Variants in GPR45 observed in about 807,000 individuals in gnomAD.
The protein encoded by GPR45 is probable G protein-coupled receptor 45.
In GPR45, 7 loss-of-function variants were observed where a neutral mutation model predicts 5.9. The observed-to-expected ratio is 1.19, with a 90% CI of 0.68 to 2.23. The LOEUF (loss-of-function observed/expected upper bound fraction) is 2.23. Among genes scored for constraint, GPR45 ranks in the 30% most tolerant of loss-of-function variants. GPR45 has a pLI of 0.00. For synonymous variants in GPR45, 220 were observed against 226.3 expected (o/e 0.97, Z 0.25); for missense variants, 440 against 496.9 (o/e 0.89, Z 1.09).
Position 105,242,714 on chromosome 2 carries a change from T to C in GPR45, c.856T>C (p.Tyr286His), listed in dbSNP as rs1573513878. Reference sequence around the variant, plus strand: ...CCTCTGCTGGCTGCCCCACTCCGTCTACAGCCTCCTGTCTGTGTTTAGCCA... The same window carrying C: ...CCTCTGCTGGCTGCCCCACTCCGTCCACAGCCTCCTGTCTGTGTTTAGCCA... ...FSLCWLPHSVYSLLSVFSQRF... is the reference protein window; with the variant it reads ...FSLCWLPHSVHSLLSVFSQRF... The change falls in exon 1 of 1, where the codon TAC (tyrosine) becomes CAC (histidine). Residue 286 changes from tyrosine (Y) to histidine (H), a missense_variant. By Grantham distance (83) the Tyr-to-His change is moderately conservative (BLOSUM62 2). Coordinates refer to ENST00000258456, the MANE Select transcript of GPR45 (RefSeq NM_007227.3). The surrounding 1 kb of genome is among the most constrained non-coding windows in gnomAD (Gnocchi z 4.8). The C allele has an allele frequency of 9.3e-6, 15 of 1,611,346 alleles. No homozygotes were observed. In the East Asian group the frequency reaches 3.3e-4, roughly 36 times the overall value.
chr2:105,242,087 G>A lies in GPR45; in HGVS notation c.229G>A (p.Ala77Thr). 6.2e-7 allele frequency: 1 copy of A among 1,614,154 alleles called. No individual in the cohort carries two copies. ...CATCAACCTGCTGCTGGCCACCCTG[G>A]CCTTCTCCGACATCATGCTGTCCCT... ...SAINLLLATLAFSDIMLSLCC... is the reference protein window; with the variant it reads ...SAINLLLATLTFSDIMLSLCC... The change falls in exon 1 of 1, where the codon GCC (alanine) becomes ACC (threonine). Residue 77 changes from alanine to threonine, a missense_variant. Ala to Thr is a moderately conservative substitution (Grantham distance 58). Coordinates refer to ENST00000258456, the MANE Select transcript of GPR45 (RefSeq NM_007227.3). This position sits in a 1 kb window ranked among gnomAD's most constrained non-coding sequence, Gnocchi z 4.8.
chr2:105,242,372 C>G lies in GPR45; in HGVS notation c.514C>G (p.Leu172Val). ...IAGPSLTGWT[L>V]VEVPARAPQC... Reference sequence around the variant, plus strand: ...GGGGCCCTCGCTCACGGGCTGGACGCTGGTGGAGGTGCCGGCGCGGGCCCC... The same window carrying G: ...GGGGCCCTCGCTCACGGGCTGGACGGTGGTGGAGGTGCCGGCGCGGGCCCC... The change falls in exon 1 of 1, where the codon CTG becomes GTG. Residue 172 changes from leucine to valine, a missense_variant. Leu to Val is a conservative substitution (Grantham distance 32, BLOSUM62 1). Coordinates refer to ENST00000258456, the MANE Select transcript of GPR45 (RefSeq NM_007227.3). The surrounding 1 kb of genome is among the most constrained non-coding windows in gnomAD (Gnocchi z 4.8). 6.2e-7 allele frequency: 1 copy of G among 1,613,042 alleles called. No homozygotes were observed. Among genetic ancestry groups the G allele is most frequent in the South Asian group, 1.1e-5 (1 of 91,050 alleles).
In GPR45 at chr2:105,243,059, G is replaced by A; in HGVS notation, c.*82G>A. ...TCCTGCTCTGTTCCCTGGCATGTTG[G>A]TCATAGTCTGCACTTTGTGGTGGCA... is the stretch of plus-strand genomic sequence containing the variant. On this transcript the variant is annotated 3_prime_UTR_variant, in exon 1 of 1. Coordinates refer to ENST00000258456, the MANE Select transcript of GPR45 (RefSeq NM_007227.3). 6.7e-7 allele frequency: 1 copy of A among 1,500,870 alleles called. No individual in the cohort carries two copies. The highest frequency in any genetic ancestry group is 9.0e-7 in the Non-Finnish European group (1 of 1,114,830). 93.0% of individuals were successfully genotyped at this position (1,500,870 alleles called of 1,614,324 possible).
Position 105,242,891 on chromosome 2 carries a change from A to G in GPR45, c.1033A>G (p.Ile345Val). 1 of 1,614,070 alleles carries G rather than the reference A, an allele frequency of 6.2e-7. No homozygotes were observed. The highest frequency in any genetic ancestry group is 1.1e-5 in the South Asian group (1 of 91,070). Reference protein sequence around the residue: ...CIELLPQTFQILPKVPERIRR... With the variant: ...CIELLPQTFQVLPKVPERIRR... ...AGAGTTGCTGCCCCAGACCTTCCAA[A>G]TCCTCCCCAAAGTGCCTGAGCGGAT... Residue 345 changes from isoleucine (I) to valine (V), a missense_variant, in exon 1 of 1, where the codon ATC becomes GTC. By Grantham distance (29) the Ile-to-Val change is conservative (BLOSUM62 3). Coordinates refer to ENST00000258456, the MANE Select transcript of GPR45 (RefSeq NM_007227.3). This position sits in a 1 kb window ranked among gnomAD's most constrained non-coding sequence, Gnocchi z 4.8.
Position 105,242,109 on chromosome 2 carries a change from C to G in GPR45, c.251C>G (p.Ser84Cys), listed in dbSNP as rs747620860. 6.2e-7 allele frequency: 1 copy of G among 1,614,202 alleles called. No homozygotes were observed. The highest frequency in any genetic ancestry group is 1.1e-5 in the South Asian group (1 of 91,090). ...CTGGCCTTCTCCGACATCATGCTGT[C>G]CCTCTGCTGCATGCCCTTCACCGCC... ...ATLAFSDIML[S>C]LCCMPFTAVT... is the part of the protein sequence containing the mutation. The change falls in exon 1 of 1, where the codon TCC (serine) becomes TGC (cysteine). Residue 84 changes from serine to cysteine, a missense_variant. By Grantham distance (112) the Ser-to-Cys change is moderately radical. Transcript: ENST00000258456. The surrounding 1 kb of genome is among the most constrained non-coding windows in gnomAD (Gnocchi z 4.8).
Position 105,242,753 on chromosome 2 carries a change from G to T in GPR45, c.895G>T (p.Gly299Cys), listed in dbSNP as rs780333283. The T allele has an allele frequency of 1.2e-6, 2 of 1,613,992 alleles. No individual in the cohort carries two copies. Among genetic ancestry groups the T allele is most frequent in the Non-Finnish European group, 1.7e-6 (2 of 1,179,978 alleles). ...TGTGTTTAGCCAGCGCTTTTACTGC[G>T]GTTCCTCCTTCTACGCCACCAGCAC... ...LSVFSQRFYC[G>C]SSFYATSTCV... Residue 299 changes from glycine (G) to cysteine (C), a missense_variant, in exon 1 of 1, where the codon GGT (glycine) becomes TGT (cysteine). By Grantham distance (159) the Gly-to-Cys change is radical. Transcript: ENST00000258456. This position sits in a 1 kb window ranked among gnomAD's most constrained non-coding sequence, Gnocchi z 4.8.
rs745590402 is a variant in GPR45, at chr2:105,242,944, C to G, written c.1086C>G (p.Val362=). 2 of 1,614,158 alleles carry G rather than the reference C, an allele frequency of 1.2e-6. No individual in the cohort carries two copies. The highest frequency in any genetic ancestry group is 2.2e-5 in the South Asian group (2 of 91,064). The part of the protein sequence containing the change: ...RIRRRIQPST[V]YVCNENQSAV Reference sequence around the variant, plus strand: ...GAAGGAGAATCCAGCCAAGCACAGTCTACGTGTGCAATGAAAACCAGTCTG... The same window carrying G: ...GAAGGAGAATCCAGCCAAGCACAGTGTACGTGTGCAATGAAAACCAGTCTG... The change falls in exon 1 of 1, where the codon GTC becomes GTG. Residue 362 remains valine (V), a synonymous_variant. Transcript: ENST00000258456. The surrounding 1 kb of genome is among the most constrained non-coding windows in gnomAD (Gnocchi z 4.8).
rs578117337 is a variant in GPR45 at position 105,241,758 on chromosome 2, A to G, written c.-101A>G. ...TCCAGTGCCCCAGAGGTCCACAGAC[A>G]TCCAGGAAGATGCAGCCAGCAGACA... On this transcript the variant is annotated 5_prime_UTR_variant, in exon 1 of 1. Transcript: ENST00000258456. 3 of 1,334,572 alleles carry G rather than the reference A, an allele frequency of 2.2e-6. No individual in the cohort carries two copies. In the East Asian group the frequency reaches 7.0e-5, roughly 31 times the overall value. 82.7% of individuals were successfully genotyped at this position (1,334,572 alleles called of 1,614,324 possible).
In GPR45 at chr2:105,242,391, G is replaced by A; in HGVS notation, c.533G>A (p.Arg178Gln). Residue 178 changes from arginine to glutamine, a missense_variant, in exon 1 of 1, where the codon CGG becomes CAG. Arg to Gln is a conservative substitution (Grantham distance 43). Transcript: ENST00000258456. The surrounding 1 kb of genome is among the most constrained non-coding windows in gnomAD (Gnocchi z 4.8). ...TGGACGCTGGTGGAGGTGCCGGCGC[G>A]GGCCCCACAGTGCGTGCTGGGCTAC... ...TGWTLVEVPA[R>Q]APQCVLGYTE... is the part of the protein sequence containing the mutation. 1.9e-6 allele frequency: 3 copies of A among 1,612,152 alleles called. No homozygotes were observed. Among genetic ancestry groups the A allele is most frequent in the Non-Finnish European group, 2.5e-6 (3 of 1,179,536 alleles).
chr2:105,243,330 A>G lies in GPR45; in HGVS notation c.*353A>G, dbSNP rs1676387100. ...GGGGCAGGAGGACTGGTCAGTCACA[A>G]GAGCTTCAACCTGCCCTGCGAGCCC... is the stretch of plus-strand genomic sequence containing the variant. On this transcript the variant is annotated 3_prime_UTR_variant, in exon 1 of 1. Coordinates refer to ENST00000258456, the MANE Select transcript of GPR45 (RefSeq NM_007227.3). Among the ~76,000 whole-genome samples the G allele has an allele frequency of 6.6e-6, 1 of 152,054 alleles. No homozygotes were observed. The highest frequency in any genetic ancestry group is 1.5e-5 in the Non-Finnish European group (1 of 68,016).
chr2:105,243,160 A>C lies in GPR45; in HGVS notation c.*183A>C. 2.5e-6 allele frequency: 2 copies of C among 790,190 alleles called. No individual in the cohort carries two copies. Among genetic ancestry groups the C allele is most frequent in the Non-Finnish European group, 3.9e-6 (2 of 509,534 alleles). The allele number at this position is 790,190 out of a possible 1,614,324, so 48.9% of individuals were successfully genotyped here. A position where few individuals can be genotyped will look rare whatever the true frequency, so the allele number is the denominator to read the frequency against. ...ATTTCAAATTTTGGCACGATGAATTATTTTTGTTTCTCTTTGCAGAGAGCC... is the reference window on the plus strand; with the variant it reads ...ATTTCAAATTTTGGCACGATGAATTCTTTTTGTTTCTCTTTGCAGAGAGCC... On this transcript the variant is annotated 3_prime_UTR_variant, in exon 1 of 1. Coordinates refer to ENST00000258456, the MANE Select transcript of GPR45 (RefSeq NM_007227.3).
chr2:105,242,736 G>C lies in GPR45; in HGVS notation c.878G>C (p.Ser293Thr). 1.2e-6 allele frequency: 2 copies of C among 1,613,720 alleles called. 1 individual carries two copies. Among genetic ancestry groups the C allele is most frequent in the South Asian group, 2.2e-5 (2 of 91,046 alleles). Residue 293 changes from serine to threonine, a missense_variant, in exon 1 of 1, where the codon AGC becomes ACC. Physicochemically the swap from Ser to Thr is moderately conservative, Grantham distance 58. Coordinates refer to ENST00000258456, the MANE Select transcript of GPR45 (RefSeq NM_007227.3). The surrounding 1 kb of genome is among the most constrained non-coding windows in gnomAD (Gnocchi z 4.8). ...HSVYSLLSVF[S>T]QRFYCGSSFY... The stretch of plus-strand genomic sequence containing the variant: ...GTCTACAGCCTCCTGTCTGTGTTTA[G>C]CCAGCGCTTTTACTGCGGTTCCTCC...
Position 105,242,203 on chromosome 2 carries a change from G to T in GPR45, c.345G>T (p.Trp115Cys). Residue 115 changes from tryptophan to cysteine, a missense_variant, in exon 1 of 1, where the codon TGG becomes TGT. Coordinates refer to ENST00000258456, the MANE Select transcript of GPR45 (RefSeq NM_007227.3). The surrounding 1 kb of genome is among the most constrained non-coding windows in gnomAD (Gnocchi z 4.8). ...GCCGCCTCTCAGCCACGCTCTACTG[G>T]TTTTTTGTCCTGGAGGGCGTGGCCA... is the stretch of plus-strand genomic sequence containing the variant. ...HFCRLSATLY[W>C]FFVLEGVAIL... 6.2e-7 allele frequency: 1 copy of T among 1,614,134 alleles called. No individual in the cohort carries two copies. The highest frequency in any genetic ancestry group is 8.5e-7 in the Non-Finnish European group (1 of 1,180,042).
chr2:105,243,166 G>A lies in GPR45; in HGVS notation c.*189G>A, dbSNP rs1676383468. The A allele has an allele frequency of 1.3e-6, 1 of 756,958 alleles. No individual in the cohort carries two copies. Among genetic ancestry groups the A allele is most frequent in the South Asian group, 2.3e-5 (1 of 43,770 alleles). 46.9% of individuals were successfully genotyped at this position (756,958 alleles called of 1,614,324 possible). ...AATTTTGGCACGATGAATTATTTTT[G>A]TTTCTCTTTGCAGAGAGCCAAATAT... is the stretch of plus-strand genomic sequence containing the variant. On this transcript the variant is annotated 3_prime_UTR_variant, in exon 1 of 1. Transcript: ENST00000258456.
At position 105,242,372 on chromosome 2, in the gene GPR45, C is replaced by A; in HGVS notation, c.514C>A (p.Leu172Met). ...IAGPSLTGWTLVEVPARAPQC... is the reference protein window; with the variant it reads ...IAGPSLTGWTMVEVPARAPQC... ...GGGGCCCTCGCTCACGGGCTGGACG[C>A]TGGTGGAGGTGCCGGCGCGGGCCCC... The change falls in exon 1 of 1, where the codon CTG becomes ATG. Residue 172 changes from leucine to methionine, a missense_variant. By Grantham distance (15) the Leu-to-Met change is conservative (BLOSUM62 2). Coordinates refer to ENST00000258456, the MANE Select transcript of GPR45 (RefSeq NM_007227.3). This position sits in a 1 kb window ranked among gnomAD's most constrained non-coding sequence, Gnocchi z 4.8. 1 of 1,613,042 alleles carries A rather than the reference C, an allele frequency of 6.2e-7. No individual in the cohort carries two copies. Among genetic ancestry groups the A allele is most frequent in the Non-Finnish European group, 8.5e-7 (1 of 1,179,734 alleles).
chr2:105,242,353 C>T lies in GPR45; in HGVS notation c.495C>T (p.Pro165=). 6.2e-7 allele frequency: 1 copy of T among 1,613,514 alleles called. No homozygotes were observed. The highest frequency in any genetic ancestry group is 1.1e-5 in the South Asian group (1 of 91,064). The part of the protein sequence containing the change: ...SWVLSFCIAG[P]SLTGWTLVEV... Reference sequence around the variant, plus strand: ...TGCTGTCCTTCTGCATCGCGGGGCCCTCGCTCACGGGCTGGACGCTGGTGG... The same window carrying T: ...TGCTGTCCTTCTGCATCGCGGGGCCTTCGCTCACGGGCTGGACGCTGGTGG... The change falls in exon 1 of 1, where the codon CCC becomes CCT. Residue 165 remains proline, a synonymous_variant. Coordinates refer to ENST00000258456, the MANE Select transcript of GPR45 (RefSeq NM_007227.3). The surrounding 1 kb of genome is among the most constrained non-coding windows in gnomAD (Gnocchi z 4.8).
Position 105,242,309 on chromosome 2 carries a change from A to G in GPR45, c.451A>G (p.Ile151Val), listed in dbSNP as rs2104541461. ...DKLNPRRAKV[I>V]IAVSWVLSFC... ...GCTGAACCCGCGCAGGGCCAAGGTG[A>G]TCATCGCGGTCTCCTGGGTGCTGTC... The change falls in exon 1 of 1, where the codon ATC (isoleucine) becomes GTC (valine). Residue 151 changes from isoleucine (I) to valine (V), a missense_variant. Ile to Val is a conservative substitution (Grantham distance 29). Coordinates refer to ENST00000258456, the MANE Select transcript of GPR45 (RefSeq NM_007227.3). The surrounding 1 kb of genome is among the most constrained non-coding windows in gnomAD (Gnocchi z 4.8). 1 of 1,613,990 alleles carries G rather than the reference A, an allele frequency of 6.2e-7. No homozygotes were observed. The highest frequency in any genetic ancestry group is 8.5e-7 in the Non-Finnish European group (1 of 1,180,006).
Position 105,243,100 on chromosome 2 carries a change from T to A in GPR45, c.*123T>A. 1 of 1,254,792 alleles carries A rather than the reference T, an allele frequency of 8.0e-7. No homozygotes were observed. The highest frequency in any genetic ancestry group is 1.1e-6 in the Non-Finnish European group (1 of 908,818). 77.7% of individuals were successfully genotyped at this position (1,254,792 alleles called of 1,614,324 possible). On this transcript the variant is annotated 3_prime_UTR_variant, in exon 1 of 1. Transcript: ENST00000258456. ...TGTGGTGGCAATTTAAGCACAAAGGTACTCATTTGTAATCAGATGAGCTGC... is the reference window on the plus strand; with the variant it reads ...TGTGGTGGCAATTTAAGCACAAAGGAACTCATTTGTAATCAGATGAGCTGC...
chr2:105,242,630 G>A lies in GPR45; in HGVS notation c.772G>A (p.Asp258Asn). 1.2e-6 allele frequency: 2 copies of A among 1,604,556 alleles called. No individual in the cohort carries two copies. The highest frequency in any genetic ancestry group is 2.2e-5 in the East Asian group (1 of 44,730). ...RLQRQQQVSV[D>N]LSFKTKAFTT... ...GCAGCGGCAGCAACAGGTCAGCGTG[G>A]ACTTGAGCTTCAAGACCAAGGCCTT... Residue 258 changes from aspartate to asparagine, a missense_variant, in exon 1 of 1, where the codon GAC becomes AAC. Physicochemically the swap from Asp to Asn is conservative, Grantham distance 23. Coordinates refer to ENST00000258456, the MANE Select transcript of GPR45 (RefSeq NM_007227.3). The surrounding 1 kb of genome is among the most constrained non-coding windows in gnomAD (Gnocchi z 4.8).
Sources: allele counts gnomAD v4.1 joint callset (sites outside exome capture counted in the v4.1 genomes callset), GRCh38; gene constraint gnomAD v4.1.1; non-coding constraint Gnocchi (gnomAD v3.1); transcripts MANE v1.5; gene names NCBI Gene and HGNC (gene_info 2026-07-23, HGNC 2026-07-21).